KPNB1: variants seen among roughly 807,000 people sequenced by gnomAD.
The protein encoded by KPNB1 is karyopherin subunit beta 1.
A neutral mutation model predicts 113.0 loss-of-function variants in KPNB1; 7 were observed. That is an observed-to-expected ratio of 0.06 (90% CI 0.04 to 0.12). The LOEUF (loss-of-function observed/expected upper bound fraction) is 0.12. Ranked by LOEUF, KPNB1 falls within the 10% of genes least tolerant of loss-of-function variation. KPNB1 has a pLI of 1.00. For synonymous variants in KPNB1, 363 were observed against 378.6 expected (o/e 0.96, Z 0.48); for missense variants, 400 against 1,054.8 (o/e 0.38, Z 8.60).
Position 47,652,762 on chromosome 17 carries a change from A to C in KPNB1, c.168A>C (p.Ala56=). 1 of 1,613,706 alleles carries C rather than the reference A, an allele frequency of 6.2e-7. No individual in the cohort carries two copies. Among genetic ancestry groups the C allele is most frequent in the Middle Eastern group, 1.6e-4 (1 of 6,062 alleles). The change falls in exon 3 of 22, where the codon GCA becomes GCC. Residue 56 remains alanine (A), a synonymous_variant. Transcript: ENST00000290158. The stretch of plus-strand genomic sequence containing the variant: ...GAAACAGTCAGGTTGCCAGAGTTGC[A>C]GCTGGTCTACAAATCAAGAACTCTT... The part of the protein sequence containing the change: ...NPGNSQVARV[A]AGLQIKNSLT...
intron 9 of KPNB1, among the ~76,000 whole-genome samples, chr17:47,666,531 GTTATATATTATATA>G (rs200319617): frequency 1.9e-5 from 2 of 103,832 alleles, no homozygotes; most frequent in African/African-American, 6.1e-5. Context: ...TATGTATTAT[GTTATATATTATATA>G]TTATATATTA....
chr17:47,663,641 G>A (rs2030175764), intron 7 of KPNB1, among the ~76,000 whole-genome samples: 1 of 152,002 alleles, frequency 6.6e-6, no homozygotes, highest in Non-Finnish European at 1.5e-5. Flanking sequence ...TCCAACCTGG[G>A]CCAGAAAGCG....
Position 47,678,122 on chromosome 17 carries a change from A to G in KPNB1, c.2180A>G (p.Glu727Gly). 1 of 1,614,038 alleles carries G rather than the reference A, an allele frequency of 6.2e-7. No homozygotes were observed. Among genetic ancestry groups the G allele is most frequent in the Non-Finnish European group, 8.5e-7 (1 of 1,179,934 alleles). The change falls in exon 18 of 22, where the codon GAG becomes GGG. Residue 727 changes from glutamate to glycine, a missense_variant. Coordinates refer to ENST00000290158, the MANE Select transcript of KPNB1 (RefSeq NM_002265.6). ...GATATTGCCCTTGCTATTGGAGGAG[A>G]GTTTAAAAAATACTTAGAGGTTGTA... is the stretch of plus-strand genomic sequence containing the variant. The part of the protein sequence containing the change: ...FGDIALAIGG[E>G]FKKYLEVVLN...
intron 5 of KPNB1, among the ~76,000 whole-genome samples, chr17:47,659,977 GAAT>G (rs1377074969): frequency 4.6e-5 from 7 of 152,106 alleles, no homozygotes; most frequent in Non-Finnish European, 1.0e-4. Flanking sequence ...AAAATGCAAT[GAAT>G]AACATAAAAT....
intron 7 of KPNB1, 109 bp from the exon 8 acceptor site, chr17:47,664,050 T>G: frequency 1.5e-6 from 1 of 668,850 alleles, no homozygotes; most frequent in Non-Finnish European, 2.7e-6. Flanking sequence ...TAGCTTCCTT[T>G]TTATAGTTAC....
chr17:47,669,013 ATTCAGTC>A (rs1344672789), intron 10 of KPNB1, among the ~76,000 whole-genome samples: 1 of 109,982 alleles, frequency 9.1e-6, no homozygotes, highest in Non-Finnish European at 2.0e-5. Context: ...TGCTTAAAGA[ATTCAGTC>A]TTCAGTCTTT....
intron 13 of KPNB1, 22 bp downstream of exon 13, chr17:47,673,187 G>C (rs1269674599): frequency 1.2e-6 from 2 of 1,612,450 alleles, no homozygotes; most frequent in Non-Finnish European, 1.7e-6. Context: ...GAGTGCCCCT[G>C]ACTATGGGTG....
In KPNB1 at chr17:47,683,745, T is replaced by A. The variant is rs1263228130; in HGVS notation, c.*1341T>A. 1 of 152,144 alleles carries A rather than the reference T, an allele frequency of 6.6e-6. No homozygotes were observed. The highest frequency in any genetic ancestry group is 1.9e-4 in the East Asian group (1 of 5,158). The allele number at this position is 152,144 out of a possible 1,614,324, so 9.4% of individuals were successfully genotyped here. On this transcript the variant is annotated 3_prime_UTR_variant, in exon 22 of 22. Transcript: ENST00000290158. The stretch of plus-strand genomic sequence containing the variant: ...AAAACAAAAAAAAGTGTGTGTTGTG[T>A]GAATACACACACACACTAACTAGAA...
Position 47,684,431 on chromosome 17 carries a change from GA to G in KPNB1, c.*2029del, listed in dbSNP as rs2030883135. ...CATACCAGCTCCTAAGCCCTATTAA[GA>G]AGAGGCCTGGTCCTCTAATGCCTTG... On this transcript the variant is annotated 3_prime_UTR_variant, in exon 22 of 22. Coordinates refer to ENST00000290158, the MANE Select transcript of KPNB1 (RefSeq NM_002265.6). 1 of 152,102 alleles carries G rather than the reference GA, an allele frequency of 6.6e-6. No individual in the cohort carries two copies. The highest frequency in any genetic ancestry group is 1.5e-5 in the Non-Finnish European group (1 of 68,026). 9.4% of individuals were successfully genotyped at this position (152,102 alleles called of 1,614,324 possible).
At position 47,668,193 on chromosome 17, in the gene KPNB1, A is replaced by G; in HGVS notation, c.1007A>G (p.Asn336Ser). The G allele has an allele frequency of 6.2e-7, 1 of 1,613,470 alleles. No homozygotes were observed. The highest frequency in any genetic ancestry group is 8.5e-7 in the Non-Finnish European group (1 of 1,179,438). ...GCCATATTCTTTCACCAGGACGAAA[A>G]TGATGATGACGATGACTGGAACCCC... The part of the protein sequence containing the change: ...LTQTLTKQDE[N>S]DDDDDWNPCK... Residue 336 changes from asparagine (N) to serine (S), a missense_variant, in exon 10 of 22, where the codon AAT (asparagine) becomes AGT (serine). Physicochemically the swap from Asn to Ser is conservative, Grantham distance 46. Around this residue, in one of 2 missense-constraint regions of KPNB1, gnomAD observed 285 missense variants for 627.0 expected, o/e 0.45. Coordinates refer to ENST00000290158, the MANE Select transcript of KPNB1 (RefSeq NM_002265.6).
At chr17:47,672,476 C>T (rs571027443) in intron 12 of KPNB1, among the ~76,000 whole-genome samples, 4 of 151,954 alleles carry the variant, frequency 2.6e-5, no homozygotes, top group African/African-American at 9.7e-5. Context: ...CTGCAACCTC[C>T]ACCTCCCAGG....
chr17:47,660,932 G>A (rs986696231), intron 5 of KPNB1, among the ~76,000 whole-genome samples, 187 bp from the exon 6 acceptor site: 10 of 152,170 alleles, frequency 6.6e-5, no homozygotes, highest in East Asian at 1.9e-4. Context: ...AGCAGACACC[G>A]AAGGTAAACT....
At chr17:47,676,370 CGTG>C in intron 15 of KPNB1, 36 bp from the exon 16 acceptor site, 1 of 1,424,234 alleles carries the variant, frequency 7.0e-7, no homozygotes, top group Non-Finnish European at 9.9e-7. Context: ...TGTGTTAACC[CGTG>C]GTGCTGTCAT....
intron 4 of KPNB1, 132 bp from the exon 5 acceptor site, chr17:47,658,376 C>A: frequency 1.2e-6 from 1 of 867,320 alleles, no homozygotes. Context: ...CCTTTTGGTG[C>A]AGTACAGATG....
chr17:47,679,270 G>T (rs2030702494), intron 19 of KPNB1, among the ~76,000 whole-genome samples: 2 of 152,106 alleles, frequency 1.3e-5, no homozygotes, highest in Admixed American at 1.3e-4. Flanking sequence ...CAAGGGATGG[G>T]ATTCAGCAAA....
intron 2 of KPNB1, among the ~76,000 whole-genome samples, 156 bp from the exon 3 acceptor site, chr17:47,652,538 A>G (rs28569432): frequency 1.9e-3 from 287 of 152,314 alleles, no homozygotes; most frequent in African/African-American, 6.6e-3. Flanking sequence ...AGTGAAGTAA[A>G]TATTTTGTGG....
intron 6 of KPNB1, chr17:47,662,290 CA>C (rs950188748): frequency 7.6e-4 from 106 of 139,192 alleles, no homozygotes; most frequent in Non-Finnish European, 8.8e-4. Context: ...GACTCCATCT[CA>C]AAAAAAAAAA....
intron 5 of KPNB1, among the ~76,000 whole-genome samples, chr17:47,659,504 A>G (rs1016009142): frequency 6.6e-6 from 1 of 152,126 alleles, no homozygotes; most frequent in African/African-American, 2.4e-5. Context: ...AGTAATCCCA[A>G]CACTTTGGGC....
chr17:47,681,796 G>A (rs1567896664), intron 21 of KPNB1, among the ~76,000 whole-genome samples: 1 of 147,298 alleles, frequency 6.8e-6, no homozygotes, highest in Non-Finnish European at 1.5e-5. Flanking sequence ...TCTCCCAGGT[G>A]TGCACCACCA....
Sources: gnomAD v4.1 joint callset for allele counts (sites outside exome capture counted in the v4.1 genomes callset) on GRCh38, gnomAD v4.1.1 for gene constraint, gnomAD v4.1.1 regional missense constraint, MANE v1.5 for transcripts, NCBI Gene and HGNC (gene_info 2026-07-23, HGNC 2026-07-21) for gene names.